Variants in KIF7 observed in about 807,000 individuals in gnomAD.
KIF7 encodes the protein kinesin-like protein KIF7.
A neutral mutation model predicts 135.7 loss-of-function variants in KIF7; 104 were observed. That is an observed-to-expected ratio of 0.77 (90% CI 0.65 to 0.90). The LOEUF (loss-of-function observed/expected upper bound fraction) is 0.90, where lower values mean the gene tolerates loss of function less well. Among genes scored for constraint, KIF7 ranks in the 40% least tolerant of loss-of-function variants. The pLI, the probability that KIF7 is intolerant of heterozygous loss-of-function variation, is 0.00. For synonymous variants in KIF7, 883 were observed against 809.4 expected, an observed-to-expected ratio of 1.09 and a Z score of -1.54; for missense variants, 2,005 against 1,839.1, an observed-to-expected ratio of 1.09 and a Z score of -1.65.
downstream of KIF7, chr15:89,626,180 C>T: frequency 8.7e-7 from 1 of 1,154,482 alleles, no homozygotes; most frequent in Non-Finnish European, 1.2e-6. Flanking sequence ...GGATAGGTGA[C>T]TTCGCGCCTA....
chr15:89,657,113 A>G (rs1964214698), upstream of KIF7, among the ~76,000 whole-genome samples: 1 of 152,128 alleles, frequency 6.6e-6, no homozygotes, highest in African/African-American at 2.4e-5. Context: ...TTTGAGACCA[A>G]CCTGGGCAAT....
At chr15:89,636,414 G>T (rs1257177832) in intron 11 of KIF7, among the ~76,000 whole-genome samples, 3 of 129,584 alleles carry the variant, frequency 2.3e-5, no homozygotes, top group Admixed American at 7.9e-5. Flanking sequence ...ACCCATCAGT[G>T]TGCTGTATTC....
downstream of KIF7, chr15:89,625,653 A>G: frequency 1.2e-6 from 2 of 1,613,736 alleles, no homozygotes; most frequent in South Asian, 2.2e-5. Context: ...TGGCCAAGGA[A>G]GAAGCTGACC....
At chr15:89,634,965 C>T (rs939656457) in intron 11 of KIF7, among the ~76,000 whole-genome samples, 76 of 152,212 alleles carry the variant, frequency 5.0e-4, no homozygotes, top group Admixed American at 7.9e-4. Context: ...TCTCCCAGCA[C>T]GCAGCTGGAG....
intron 1 of KIF7, among the ~76,000 whole-genome samples, chr15:89,654,102 T>C (rs1019571159): frequency 1.3e-5 from 2 of 152,148 alleles, no homozygotes; most frequent in African/African-American, 4.8e-5. Flanking sequence ...CTCTGCCTCC[T>C]GGGTTCACAC....
At chr15:89,633,340 GC>G in intron 12 of KIF7, 74 bp from the exon 13 acceptor site, 2 of 1,529,110 alleles carry the variant, frequency 1.3e-6, no homozygotes, top group Non-Finnish European at 1.8e-6. Context: ...CGATCCCAAA[GC>G]CCCCAGGAGT....
intron 15 of KIF7, chr15:89,630,811 TG>T: frequency 2.2e-6 from 1 of 463,832 alleles, no homozygotes; most frequent in Non-Finnish European, 4.0e-6. Flanking sequence ...CGGTGTCTGC[TG>T]GGTAAGCTTC....
At chr15:89,660,503 G>A in the KIF7 span, among the ~76,000 whole-genome samples, 36 of 152,252 alleles carry the variant, frequency 2.4e-4, no homozygotes, top group African/African-American at 3.4e-4. Context: ...GGAGTTGATC[G>A]CTGGAGCTGG....
chr15:89,624,019 A>G (rs199522995), downstream of KIF7: 12 of 1,613,926 alleles, frequency 7.4e-6, no homozygotes, highest in Middle Eastern at 1.6e-4. Context: ...TGCCCAGCCC[A>G]GGAGAGAGTG....
chr15:89,631,883 G>A (rs1165240834), intron 14 of KIF7, among the ~76,000 whole-genome samples, 173 bp from the exon 15 acceptor site: 2 of 152,222 alleles, frequency 1.3e-5, no homozygotes, highest in South Asian at 2.1e-4. Context: ...CAGGAGGCGG[G>A]GCTAAAGGGA....
intron 10 of KIF7, 42 bp downstream of exon 10, chr15:89,644,971 G>T (rs1379414933): frequency 1.2e-6 from 2 of 1,603,042 alleles, no homozygotes. Flanking sequence ...ACGATGAGAA[G>T]TCCCCCTCGG....
At chr15:89,650,864 CTGCGCCTGGCCTAAAAAGTTAGA>C (rs1257897321) in intron 2 of KIF7, among the ~76,000 whole-genome samples, 4 of 152,156 alleles carry the variant, frequency 2.6e-5, no homozygotes, top group African/African-American at 9.7e-5. Flanking sequence ...GTGTGAGCCC[CTGCGCCTGGCCTAAAAAGTTAGA>C]TTGAAGAATA....
chr15:89,641,691 C>T (rs1461804546), intron 11 of KIF7, among the ~76,000 whole-genome samples: 1 of 152,150 alleles, frequency 6.6e-6, no homozygotes, highest in South Asian at 2.1e-4. Flanking sequence ...ATCCCAGCTA[C>T]TCAGGAGGCT....
Position 89,629,051 on chromosome 15 carries a change from G to A in KIF7, c.3589C>T (p.Leu1197=), listed in dbSNP as rs886038761. 4.3e-6 allele frequency: 7 copies of A among 1,613,488 alleles called. No individual in the cohort carries two copies. The highest frequency in any genetic ancestry group is 1.7e-4 in the Middle Eastern group (1 of 6,060). The change falls in exon 18 of 19, where the codon CTG becomes TTG. Residue 1197 remains leucine (L), a synonymous_variant. Coordinates refer to ENST00000394412, the MANE Select transcript of KIF7 (RefSeq NM_198525.3). ...EARIQALEKE[L]GRYMWINQEL... ...TGGTTTATCCACATGTAACGGCCCA[G>A]TTCCTTCTCCAGAGCTTGAATCCGG...
chr15:89,627,090 C>T (rs1963543935), downstream of KIF7: 5 of 1,613,826 alleles, frequency 3.1e-6, no homozygotes, highest in Non-Finnish European at 4.2e-6. Flanking sequence ...CTTATAGCCA[C>T]AAACATTACT....
rs1963588218 is a variant in KIF7 at position 89,628,590 on chromosome 15, C to T, written c.3861G>A (p.Gln1287=). 1.2e-6 allele frequency: 2 copies of T among 1,613,436 alleles called. No individual in the cohort carries two copies. The highest frequency in any genetic ancestry group is 1.7e-6 in the Non-Finnish European group (2 of 1,180,032). Residue 1287 remains glutamine (Q), a synonymous_variant, in exon 19 of 19, where the codon CAG becomes CAA. Coordinates refer to ENST00000394412, the MANE Select transcript of KIF7 (RefSeq NM_198525.3). ...WKRSSLCGEE[Q]GSPEELRQRE... is the part of the protein sequence containing the mutation. ...GCTGCCTCAGTTCCTCGGGGGACCCCTGCTCCTCACCACACAGGCTCGAGC... is the reference window on the plus strand; with the variant it reads ...GCTGCCTCAGTTCCTCGGGGGACCCTTGCTCCTCACCACACAGGCTCGAGC...
At chr15:89,644,597 A>T (rs373013678) in intron 10 of KIF7, among the ~76,000 whole-genome samples, 1 of 152,112 alleles carries the variant, frequency 6.6e-6, no homozygotes, top group African/African-American at 2.4e-5. Context: ...AGGCAGGAGA[A>T]TCGCTTGAAC....
At chr15:89,619,581 G>T in intron 1 of KIF7, 1 of 979,654 alleles carries the variant, frequency 1.0e-6, no homozygotes. Flanking sequence ...GTCTCTTAAA[G>T]CTAATAGCTT....
chr15:89,642,242 C>A lies in KIF7; in HGVS notation c.2355G>T (p.Glu785Asp), dbSNP rs529209853. 6.2e-7 allele frequency: 1 copy of A among 1,610,552 alleles called. No individual in the cohort carries two copies. Among genetic ancestry groups the A allele is most frequent in the South Asian group, 1.1e-5 (1 of 91,018 alleles). ...GGGCCGCAGCGACCCTCCTGCGGAACTCCTGGAGCCGAGACCGCTCGCCAG... is the reference window on the plus strand; with the variant it reads ...GGGCCGCAGCGACCCTCCTGCGGAAATCCTGGAGCCGAGACCGCTCGCCAG... ...QDAGERSRLQ[E>D]FRRRVAAAQS... Residue 785 changes from glutamate to aspartate, a missense_variant, in exon 11 of 19, where the codon GAG becomes GAT. Physicochemically the swap from Glu to Asp is conservative, Grantham distance 45. Transcript: ENST00000394412.
Sources: gnomAD v4.1 joint callset for allele counts (sites outside exome capture counted in the v4.1 genomes callset) on GRCh38, gnomAD v4.1.1 for gene constraint, MANE v1.5 for transcripts, NCBI Gene and HGNC (gene_info 2026-07-23, HGNC 2026-07-21) for gene names.